Variants in UNC80 observed in about 807,000 individuals in gnomAD.
UNC80 encodes unc-80 subunit of NALCN channel complex, also known as protein unc-80 homolog.
UNC80 carries 164 observed loss-of-function variants against 384.6 expected under a neutral mutation model. The ratio of observed to expected loss-of-function variants is 0.43; its 90% CI spans 0.38 to 0.49. The LOEUF is 0.49. UNC80 is among the 20% of genes least tolerant of loss of function. UNC80 has a pLI of 0.00. For missense variants in UNC80, 3,330 were observed against 4,143.0 expected (o/e 0.80, Z 5.39); for synonymous variants, 1,486 against 1,527.8 (o/e 0.97, Z 0.64).
intron 64 of UNC80, among the ~76,000 whole-genome samples, chr2:209,994,581 CT>C (rs970668174): frequency 1.5e-4 from 23 of 152,150 alleles, no homozygotes; most frequent in African/African-American, 4.1e-4. Flanking sequence ...AAATCTGAAA[CT>C]TTTTTTCAGA....
At chr2:209,933,128 T>G (rs2091006119) in intron 38 of UNC80, among the ~76,000 whole-genome samples, 1 of 152,204 alleles carries the variant, frequency 6.6e-6, no homozygotes, top group African/African-American at 2.4e-5. Context: ...AATATTCCAA[T>G]TATAGTCAGT....
chr2:209,884,598 G>A (rs1286399649), intron 25 of UNC80, among the ~76,000 whole-genome samples: 1 of 152,152 alleles, frequency 6.6e-6, no homozygotes, highest in African/African-American at 2.4e-5. Flanking sequence ...ACATACATGT[G>A]TATGTTCATT....
intron 59 of UNC80, 47 bp downstream of exon 59, chr2:209,978,755 C>A: frequency 1.4e-6 from 2 of 1,432,134 alleles, no homozygotes; most frequent in Non-Finnish European, 1.9e-6. Flanking sequence ...CCTGGCCATA[C>A]GAGCAGGGGC....
chr2:209,787,927 A>G (rs2153825369), intron 5 of UNC80, among the ~76,000 whole-genome samples: 1 of 152,320 alleles, frequency 6.6e-6, no homozygotes, highest in African/African-American at 2.4e-5. Flanking sequence ...TTGTTATCAT[A>G]AAAGATGACA....
intron 49 of UNC80, among the ~76,000 whole-genome samples, chr2:209,958,176 G>A (rs1177737987): frequency 6.6e-6 from 1 of 152,148 alleles, no homozygotes; most frequent in Non-Finnish European, 1.5e-5. Context: ...CTCAAATGGT[G>A]CTTTTCATGG....
chr2:209,831,641 G>C (rs1165449148), intron 16 of UNC80, 50 bp downstream of exon 16: 1 of 1,445,134 alleles, frequency 6.9e-7, no homozygotes, highest in African/African-American at 1.4e-5. Context: ...TCTGCCCTGA[G>C]AAAAGTACTC....
Position 209,995,649 on chromosome 2 carries a change from T to C in UNC80, c.*54T>C. The C allele has an allele frequency of 6.6e-7, 1 of 1,513,714 alleles. No individual in the cohort carries two copies. Among genetic ancestry groups the C allele is most frequent in the East Asian group, 2.5e-5 (1 of 40,510 alleles). 93.8% of individuals were successfully genotyped at this position (1,513,714 alleles called of 1,614,324 possible). A position where few individuals can be genotyped will look rare whatever the true frequency, so the allele number is the denominator to read the frequency against. On this transcript the variant is annotated 3_prime_UTR_variant, in exon 65 of 65. Coordinates refer to ENST00000673920, the MANE Select transcript of UNC80 (RefSeq NM_001371986.1). Reference sequence around the variant, plus strand: ...AGAGAAGACATGAAAGTGATCTCTCTACTACAAGTTCAATACTTTTGCTTG... The same window carrying C: ...AGAGAAGACATGAAAGTGATCTCTCCACTACAAGTTCAATACTTTTGCTTG...
intron 21 of UNC80, among the ~76,000 whole-genome samples, chr2:209,844,496 CT>C (rs2082028435): frequency 1.3e-5 from 1 of 77,356 alleles, no homozygotes; most frequent in African/African-American, 6.0e-5. Flanking sequence ...TCCTTCCTTC[CT>C]TCCTTCCTTC....
chr2:209,793,796 G>T lies in UNC80; in HGVS notation c.875G>T (p.Gly292Val), dbSNP rs765134450. The part of the protein sequence containing the change: ...PKATISGCHR[G>V]NSFDGSLSSQ... ...GCCACCATTTCAGGCTGTCACCGAGGAAACTCCTTTGATGGAAGTCTGTCC... is the reference window on the plus strand; with the variant it reads ...GCCACCATTTCAGGCTGTCACCGAGTAAACTCCTTTGATGGAAGTCTGTCC... Residue 292 changes from glycine to valine, a missense_variant, in exon 7 of 65, where the codon GGA becomes GTA. This residue lies in a region of UNC80 where 937 missense variants were observed against 1,026.8 expected (regional missense o/e 0.91). Transcript: ENST00000673920. 6.2e-7 allele frequency: 1 copy of T among 1,614,110 alleles called. No homozygotes were observed. Among genetic ancestry groups the T allele is most frequent in the Non-Finnish European group, 8.5e-7 (1 of 1,179,972 alleles).
intron 38 of UNC80, among the ~76,000 whole-genome samples, chr2:209,932,105 A>G (rs1314392146): frequency 6.6e-6 from 1 of 152,092 alleles, no homozygotes; most frequent in African/African-American, 2.4e-5. Context: ...CACAAACTCA[A>G]GCCCATGGCT....
chr2:209,957,598 T>A (rs1401621601), intron 48 of UNC80, 46 bp from the exon 49 acceptor site: 1 of 1,300,444 alleles, frequency 7.7e-7, no homozygotes, highest in Non-Finnish European at 1.1e-6. Flanking sequence ...TTTCCATTTC[T>A]GTTGTTGTTG....
At position 209,976,315 on chromosome 2, in the gene UNC80, G is replaced by A; in HGVS notation, c.8772+12G>A. 1 of 1,551,658 alleles carries A rather than the reference G, an allele frequency of 6.4e-7. No homozygotes were observed. The highest frequency in any genetic ancestry group is 1.4e-5 in the African/African-American group (1 of 73,134). ...TCATCCAGTGCAAGGTGTGGTGTGTGCTTCTCCTCCTGAAAGTGGCAAGCT... is the reference window on the plus strand; with the variant it reads ...TCATCCAGTGCAAGGTGTGGTGTGTACTTCTCCTCCTGAAAGTGGCAAGCT... On this transcript the variant is annotated intron_variant, in intron 57 of 64. Coordinates refer to ENST00000673920, the MANE Select transcript of UNC80 (RefSeq NM_001371986.1). This position sits in a 1 kb window ranked among gnomAD's most constrained non-coding sequence, Gnocchi z 4.3.
intron 13 of UNC80, among the ~76,000 whole-genome samples, chr2:209,822,456 A>C (rs2080205051): frequency 6.6e-6 from 1 of 152,232 alleles, no homozygotes; most frequent in Non-Finnish European, 1.5e-5. Context: ...GAAACTGGTG[A>C]GATTCTTACT....
intron 7 of UNC80, chr2:209,808,752 G>C: frequency 2.4e-5 from 1 of 41,712 alleles, no homozygotes; most frequent in Non-Finnish European, 3.9e-5. Context: ...CTAGTGAGTG[G>C]GTCGCCTGCG....
chr2:209,978,160 A>G (rs1575204271), intron 58 of UNC80, among the ~76,000 whole-genome samples: 3 of 152,208 alleles, frequency 2.0e-5, no homozygotes, highest in Admixed American at 2.0e-4. Flanking sequence ...CTTGTGTCAG[A>G]TAAGATATAT....
Position 209,967,696 on chromosome 2 carries a change from T to A in UNC80, c.8006+59T>A, listed in dbSNP as rs969082859. The A allele has an allele frequency of 9.3e-6, 14 of 1,503,188 alleles. No individual in the cohort carries two copies. In the African/African-American group the frequency reaches 1.7e-4, roughly 18 times the overall value. 93.1% of individuals were successfully genotyped at this position (1,503,188 alleles called of 1,614,324 possible). A position where few individuals can be genotyped will look rare whatever the true frequency, so the allele number is the denominator to read the frequency against. On this transcript the variant is annotated intron_variant, in intron 52 of 64. Coordinates refer to ENST00000673920, the MANE Select transcript of UNC80 (RefSeq NM_001371986.1). ...CAAATGTCAAAGTTAAGATTTGTCA[T>A]TTTTTAAGATGGTGGATCATTCTGG...
Position 209,880,942 on chromosome 2 carries a change from G to A in UNC80, c.3977-19G>A, listed in dbSNP as rs1287791334. ...TTTGTTGATTTGTCTCCTTATGAAA[G>A]AACACTTTCATTTCCTAGGTACTGT... On this transcript the variant is annotated intron_variant, in intron 24 of 64. Transcript: ENST00000673920. 6.4e-7 allele frequency: 1 copy of A among 1,550,744 alleles called. No homozygotes were observed. Among genetic ancestry groups the A allele is most frequent in the Non-Finnish European group, 8.7e-7 (1 of 1,146,262 alleles).
At chr2:209,974,143 A>G (rs1431865373) in intron 56 of UNC80, among the ~76,000 whole-genome samples, 1 of 152,222 alleles carries the variant, frequency 6.6e-6, no homozygotes, top group Non-Finnish European at 1.5e-5. Context: ...ACCAAAGCAG[A>G]TATTGGTGAG....
At chr2:209,824,050 T>C (rs1206236622) in intron 13 of UNC80, among the ~76,000 whole-genome samples, 2 of 152,152 alleles carry the variant, frequency 1.3e-5, no homozygotes, top group African/African-American at 4.8e-5. Context: ...CTTGTGTATA[T>C]AAGGCCTATG....
Sources: allele counts gnomAD v4.1 joint callset (sites outside exome capture counted in the v4.1 genomes callset), GRCh38; gene constraint gnomAD v4.1.1; regional missense constraint gnomAD v4.1.1; non-coding constraint Gnocchi (gnomAD v3.1); transcripts MANE v1.5; gene names NCBI Gene and HGNC (gene_info 2026-07-23, HGNC 2026-07-21).